NGFR: variants seen among roughly 807,000 people sequenced by gnomAD.
NGFR encodes the protein tumor necrosis factor receptor superfamily member 16.
NGFR carries 30 observed loss-of-function variants against 43.2 expected under a neutral mutation model. The ratio of observed to expected loss-of-function variants is 0.69; its 90% CI spans 0.52 to 0.94. NGFR has a LOEUF of 0.94. Among genes scored for constraint, NGFR ranks in the 40% least tolerant of loss-of-function variants. The pLI is 0.00. For synonymous variants in NGFR, 246 were observed against 259.6 expected, an observed-to-expected ratio of 0.95 and a Z score of 0.50; for missense variants, 529 against 602.5, an observed-to-expected ratio of 0.88 and a Z score of 1.28.
At chr17:49,510,289 A>ATGC in intron 3 of NGFR, 123 bp from the exon 4 acceptor site, 1 of 1,392,270 alleles carries the variant, frequency 7.2e-7, no homozygotes, top group Non-Finnish European at 9.8e-7. Context: ...AGCTGTGCAT[A>ATGC]ACAGCTGGGC....
rs1186259451 is a variant in NGFR at position 49,495,357 on chromosome 17, G to A, written c.-61G>A. On this transcript the variant is annotated 5_prime_UTR_variant, in exon 1 of 6. Transcript: ENST00000172229. The surrounding 1 kb of genome is among the most constrained non-coding windows in gnomAD (Gnocchi z 6.4). ...GGGCGCTGGAGCGCAGCGCAGCGCA[G>A]CCCCATCAGTCCGCAAAGCGGACCG... 23 of 1,167,374 alleles carry A rather than the reference G, an allele frequency of 2.0e-5. No homozygotes were observed. The highest frequency in any genetic ancestry group is 8.7e-5 in the South Asian group (2 of 23,052). 72.3% of individuals were successfully genotyped at this position (1,167,374 alleles called of 1,614,324 possible). A position where few individuals can be genotyped will look rare whatever the true frequency, so the allele number is the denominator to read the frequency against.
In NGFR at chr17:49,512,641, C is replaced by A. The variant is rs2143450000; in HGVS notation, c.983-67C>A. The A allele has an allele frequency of 1.3e-6, 2 of 1,513,198 alleles. No homozygotes were observed. The highest frequency in any genetic ancestry group is 2.8e-5 in the African/African-American group (2 of 72,056). 93.7% of individuals were successfully genotyped at this position (1,513,198 alleles called of 1,614,324 possible). ...TGCCTCGGCCCTTCTTGGGTCTCAC[C>A]CCAGTGCCCACTGTTGGGGAAAGGA... On this transcript the variant is annotated intron_variant, in intron 5 of 5. Transcript: ENST00000172229. The surrounding 1 kb of genome is among the most constrained non-coding windows in gnomAD (Gnocchi z 5.2).
chr17:49,506,215 CA>C (rs1194970196), intron 2 of NGFR, 83 bp from the exon 3 acceptor site: 2 of 1,495,642 alleles, frequency 1.3e-6, no homozygotes, highest in Admixed American at 4.4e-5. Context: ...TCCTGGCAGG[CA>C]ATAGGGGAGG....
chr17:49,512,891 G>C lies in NGFR; in HGVS notation c.1166G>C (p.Ser389Thr). ...EACPVRALLASWATQDSATLD... is the reference protein window; with the variant it reads ...EACPVRALLATWATQDSATLD... The stretch of plus-strand genomic sequence containing the variant: ...TGCCCCGTTCGCGCCCTGCTTGCAA[G>C]CTGGGCCACCCAGGACAGCGCCACA... The change falls in exon 6 of 6, where the codon AGC (serine) becomes ACC (threonine). Residue 389 changes from serine (S) to threonine (T), a missense_variant. Ser to Thr is a moderately conservative substitution (Grantham distance 58). Transcript: ENST00000172229. The surrounding 1 kb of genome is among the most constrained non-coding windows in gnomAD (Gnocchi z 5.2). The C allele has an allele frequency of 1.9e-6, 3 of 1,613,004 alleles. No homozygotes were observed. The highest frequency in any genetic ancestry group is 2.5e-6 in the Non-Finnish European group (3 of 1,179,798).
intron 1 of NGFR, 93 bp from the exon 2 acceptor site, chr17:49,501,970 T>C: frequency 7.6e-7 from 1 of 1,314,504 alleles, no homozygotes; most frequent in Non-Finnish European, 1.0e-6. Context: ...TAGAAGGCAG[T>C]GGGAGGAGGG....
chr17:49,512,711 T>C lies in NGFR; in HGVS notation c.986T>C (p.Leu329Pro), dbSNP rs2071241755. The C allele has an allele frequency of 4.4e-6, 7 of 1,594,614 alleles. No individual in the cohort carries two copies. In the South Asian group the frequency reaches 5.7e-5, roughly 13 times the overall value. The change falls in exon 6 of 6, where the codon CTC (leucine) becomes CCC (proline). Residue 329 changes from leucine to proline, a missense_variant. By Grantham distance (98) the Leu-to-Pro change is moderately conservative. Transcript: ENST00000172229. The surrounding 1 kb of genome is among the most constrained non-coding windows in gnomAD (Gnocchi z 5.2). Reference sequence around the variant, plus strand: ...CTCTCCTCTGGTTTCTCTGCAGCCCTCAAGGGTGACGGAGGCCTCTACAGC... The same window carrying C: ...CTCTCCTCTGGTTTCTCTGCAGCCCCCAAGGGTGACGGAGGCCTCTACAGC... ...PHTQTASGQALKGDGGLYSSL... is the reference protein window; with the variant it reads ...PHTQTASGQAPKGDGGLYSSL...
intron 3 of NGFR, among the ~76,000 whole-genome samples, chr17:49,508,550 C>T (rs1004884517): frequency 2.0e-5 from 3 of 152,182 alleles, no homozygotes; most frequent in Non-Finnish European, 4.4e-5. Context: ...CCATACTTTC[C>T]CCGCATTTAC....
In NGFR at chr17:49,510,901, A is replaced by G. The variant is rs1321413221; in HGVS notation, c.821+237A>G. 11 of 520,656 alleles carry G rather than the reference A, an allele frequency of 2.1e-5. No homozygotes were observed. In the Admixed American group the frequency reaches 2.6e-4, roughly 12 times the overall value. The allele number at this position is 520,656 out of a possible 1,614,324, so 32.3% of individuals were successfully genotyped here. A position where few individuals can be genotyped will look rare whatever the true frequency, so the allele number is the denominator to read the frequency against. ...CCCTGTCCTGGCTCCAGCCCCTCCC[A>G]CTCCCATGCCGCACCACTCCCTGAC... On this transcript the variant is annotated intron_variant, in intron 4 of 5. Transcript: ENST00000172229.
rs774655797 is a variant in NGFR at position 49,512,954 on chromosome 17, G to A, written c.1229G>A (p.Arg410Gln). ...ALLAALRRIQRADLVESLCSE... is the reference protein window; with the variant it reads ...ALLAALRRIQQADLVESLCSE... ...CTGGCCGCCCTGCGCCGCATCCAGC[G>A]AGCCGACCTCGTGGAGAGTCTGTGC... The change falls in exon 6 of 6, where the codon CGA (arginine) becomes CAA (glutamine). Residue 410 changes from arginine to glutamine, a missense_variant. By Grantham distance (43) the Arg-to-Gln change is conservative (BLOSUM62 1). Transcript: ENST00000172229. This position sits in a 1 kb window ranked among gnomAD's most constrained non-coding sequence, Gnocchi z 5.2. 1.3e-5 allele frequency: 21 copies of A among 1,609,254 alleles called. No individual in the cohort carries two copies. Among genetic ancestry groups the A allele is most frequent in the Middle Eastern group, 1.7e-4 (1 of 6,008 alleles).
At position 49,510,633 on chromosome 17, in the gene NGFR, G is replaced by C. The variant is rs191965251; in HGVS notation, c.790G>C (p.Val264Leu). 6.2e-7 allele frequency: 1 copy of C among 1,613,848 alleles called. No homozygotes were observed. The highest frequency in any genetic ancestry group is 2.2e-5 in the East Asian group (1 of 44,880). Reference sequence around the variant, plus strand: ...TTGCTCCATCCTGGCTGCTGTGGTTGTGGGCCTTGTGGCCTACATAGCCTT... The same window carrying C: ...TTGCTCCATCCTGGCTGCTGTGGTTCTGGGCCTTGTGGCCTACATAGCCTT... Reference protein sequence around the residue: ...VYCSILAAVVVGLVAYIAFKR... With the variant: ...VYCSILAAVVLGLVAYIAFKR... Residue 264 changes from valine (V) to leucine (L), a missense_variant, in exon 4 of 6, where the codon GTG (valine) becomes CTG (leucine). Transcript: ENST00000172229.
chr17:49,511,524 T>G (rs1241347038), intron 4 of NGFR, among the ~76,000 whole-genome samples: 1 of 152,068 alleles, frequency 6.6e-6, no homozygotes, highest in African/African-American at 2.4e-5. Flanking sequence ...CATTTGTTTT[T>G]TTTTTTTTTC....
chr17:49,510,844 A>G (rs1264938265), intron 4 of NGFR, 180 bp downstream of exon 4: 2 of 712,522 alleles, frequency 2.8e-6, no homozygotes, highest in African/African-American at 3.5e-5. Context: ...GTGAGGGGAG[A>G]GGATCCACCT....
chr17:49,512,070 G>A lies in NGFR; in HGVS notation c.982+18G>A, dbSNP rs2071236820. 6.2e-7 allele frequency: 1 copy of A among 1,608,828 alleles called. No homozygotes were observed. The highest frequency in any genetic ancestry group is 8.5e-7 in the Non-Finnish European group (1 of 1,177,456). On this transcript the variant is annotated intron_variant, in intron 5 of 5. Coordinates refer to ENST00000172229, the MANE Select transcript of NGFR (RefSeq NM_002507.4). The surrounding 1 kb of genome is among the most constrained non-coding windows in gnomAD (Gnocchi z 5.2). ...GGGCCAGGGTGAGCAGCGGCCCGCT[G>A]GGGAGCTGAGGCGGAGCTGAGGCTG...
In NGFR at chr17:49,512,103, A is replaced by T. The variant is rs765606506; in HGVS notation, c.982+51A>T. 6.3e-7 allele frequency: 1 copy of T among 1,586,654 alleles called. No individual in the cohort carries two copies. Among genetic ancestry groups the T allele is most frequent in the South Asian group, 1.1e-5 (1 of 88,022 alleles). ...GAGGCGGAGCTGAGGCTGAGGAAAC[A>T]GAAGCAATTAAGATTAGACTCCAGG... is the stretch of plus-strand genomic sequence containing the variant. On this transcript the variant is annotated intron_variant, in intron 5 of 5. Transcript: ENST00000172229. The surrounding 1 kb of genome is among the most constrained non-coding windows in gnomAD (Gnocchi z 5.2).
rs1397334823 is a variant in NGFR at position 49,506,287 on chromosome 17, C to T, written c.209-12C>T. On this transcript the variant is annotated splice_polypyrimidine_tract_variant and intron_variant, in intron 2 of 5. Transcript: ENST00000172229. ...AGAGCAGACGACTAAATCTGGTGTCCGCTGCGCTCAGGCGTGACGTTCTCC... is the reference window on the plus strand; with the variant it reads ...AGAGCAGACGACTAAATCTGGTGTCTGCTGCGCTCAGGCGTGACGTTCTCC... 4.6e-6 allele frequency: 7 copies of T among 1,535,824 alleles called. No individual in the cohort carries two copies. The highest frequency in any genetic ancestry group is 1.9e-5 in the Admixed American group (1 of 53,988).
intron 1 of NGFR, among the ~76,000 whole-genome samples, chr17:49,498,064 G>A (rs759195604): frequency 2.0e-5 from 3 of 152,206 alleles, no homozygotes; most frequent in Non-Finnish European, 2.9e-5. Flanking sequence ...CCACTTCGCA[G>A]TTGAGGAAAC....
intron 4 of NGFR, 84 bp from the exon 5 acceptor site, chr17:49,511,808 T>G (rs1005281487): frequency 7.0e-7 from 1 of 1,424,574 alleles, no homozygotes; most frequent in Non-Finnish European, 9.2e-7. Flanking sequence ...CCCCTGGCCC[T>G]CACACGGCAG....
intron 2 of NGFR, 83 bp downstream of exon 2, chr17:49,502,287 C>T (rs2071171738): frequency 1.4e-6 from 2 of 1,455,566 alleles, no homozygotes; most frequent in African/African-American, 2.8e-5. Flanking sequence ...TGGGGAGAAG[C>T]ATGCCCAGTA....
Position 49,506,710 on chromosome 17 carries a change from G to A in NGFR, c.568+52G>A, listed in dbSNP as rs1019021497. ...AGTGGGGGTGCGGGGGTGGGCTGGG[G>A]GCATAAGGAAGGGCGCTCTCTGGAG... On this transcript the variant is annotated intron_variant, in intron 3 of 5. Transcript: ENST00000172229. 5.8e-5 allele frequency: 75 copies of A among 1,285,262 alleles called. No homozygotes were observed. In the African/African-American group the frequency reaches 1.0e-3, roughly 17 times the overall value. The allele number at this position is 1,285,262 out of a possible 1,614,324, so 79.6% of individuals were successfully genotyped here.
Sources: gnomAD v4.1 joint callset for allele counts (sites outside exome capture counted in the v4.1 genomes callset) on GRCh38, gnomAD v4.1.1 for gene constraint, Gnocchi (gnomAD v3.1) non-coding constraint, MANE v1.5 for transcripts, NCBI Gene and HGNC (gene_info 2026-07-23, HGNC 2026-07-21) for gene names.